Variants in RGS6 observed in about 807,000 individuals in gnomAD.
The protein encoded by RGS6 is regulator of G protein signaling 6.
In RGS6, 30 loss-of-function variants were observed where a neutral mutation model predicts 78.5. The ratio of observed to expected loss-of-function variants is 0.38; its 90% CI spans 0.29 to 0.52. The LOEUF is 0.52. RGS6 is among the 20% of genes least tolerant of loss of function. RGS6 has a pLI of 0.85. For missense variants in RGS6, 495 were observed against 609.7 expected, an observed-to-expected ratio of 0.81 and a Z score of 1.98; for synonymous variants, 206 against 206.0, an observed-to-expected ratio of 1.00 and a Z score of 0.00.
chr14:72,115,098 C>T (rs1183940757), intron 2 of RGS6, among the ~76,000 whole-genome samples: 3 of 152,136 alleles, frequency 2.0e-5, no homozygotes, highest in Non-Finnish European at 4.4e-5. Flanking sequence ...CCACTTGGAT[C>T]TCAGTTATGT....
chr14:71,980,432 C>G (rs1049524606), intron 2 of RGS6, among the ~76,000 whole-genome samples: 2 of 150,198 alleles, frequency 1.3e-5, no homozygotes, highest in African/African-American at 2.5e-5. Flanking sequence ...GCACTTCCTT[C>G]AGGAGCTCTT....
the RGS6 span, among the ~76,000 whole-genome samples, chr14:72,595,533 T>C: frequency 6.6e-6 from 1 of 152,210 alleles, no homozygotes; most frequent in Non-Finnish European, 1.5e-5. Flanking sequence ...CTGTAATCTA[T>C]GTTGGTGCTT....
chr14:71,990,917 A>G (rs775683623), intron 2 of RGS6: 1 of 449,852 alleles, frequency 2.2e-6, no homozygotes, highest in South Asian at 1.6e-5. Context: ...TCCTCCACAT[A>G]GTTGGCATCG....
chr14:72,430,460 C>T (rs1254020609), intron 3 of RGS6, among the ~76,000 whole-genome samples: 2 of 152,206 alleles, frequency 1.3e-5, no homozygotes, highest in Non-Finnish European at 1.5e-5. Flanking sequence ...CCAGAATTCT[C>T]TTCTGCAGAC....
chr14:72,586,802 T>G, the RGS6 span, among the ~76,000 whole-genome samples: 3 of 152,192 alleles, frequency 2.0e-5, no homozygotes, highest in African/African-American at 7.2e-5. Context: ...AGACAGTATC[T>G]TATTCTTTTT....
chr14:72,619,935 C>A, the RGS6 span: 1 of 1,535,134 alleles, frequency 6.5e-7, no homozygotes, highest in Non-Finnish European at 8.7e-7. Flanking sequence ...GGGATTTAAA[C>A]AGTACATGTG....
intron 2 of RGS6, among the ~76,000 whole-genome samples, chr14:71,967,592 C>A (rs966443525): frequency 1.1e-4 from 17 of 152,350 alleles, no homozygotes; most frequent in South Asian, 4.1e-4. Flanking sequence ...ATACCCACGA[C>A]TACAATTTAC....
At chr14:72,613,924 A>G in the RGS6 span, among the ~76,000 whole-genome samples, 7 of 152,096 alleles carry the variant, frequency 4.6e-5, no homozygotes, top group Non-Finnish European at 8.8e-5. Context: ...CTATCCTCCC[A>G]CATCCCGGGT....
intron 2 of RGS6, among the ~76,000 whole-genome samples, chr14:72,081,572 C>T (rs1411217880): frequency 2.6e-5 from 4 of 152,046 alleles, no homozygotes; most frequent in Non-Finnish European, 4.4e-5. Context: ...GCATTGCAGA[C>T]GAGAAGTCTG....
intron 2 of RGS6, among the ~76,000 whole-genome samples, chr14:72,195,345 T>C (rs1207103324): frequency 6.6e-6 from 1 of 152,162 alleles, no homozygotes; most frequent in Non-Finnish European, 1.5e-5. Context: ...ACCAAGTAGA[T>C]AGTTGGATAT....
chr14:72,541,776 C>T (rs893457301), intron 17 of RGS6, among the ~76,000 whole-genome samples: 2 of 152,184 alleles, frequency 1.3e-5, no homozygotes, highest in Admixed American at 6.5e-5. Context: ...GTGCAGGCCA[C>T]GGGTGTGAGA....
At chr14:72,333,564 C>T (rs1021708594) in intron 2 of RGS6, among the ~76,000 whole-genome samples, 3 of 152,222 alleles carry the variant, frequency 2.0e-5, no homozygotes, top group African/African-American at 4.8e-5. Context: ...TGGCACTTTC[C>T]GCTGTCAGAA....
chr14:71,983,775 A>G (rs1304655077), intron 2 of RGS6, among the ~76,000 whole-genome samples: 1 of 152,186 alleles, frequency 6.6e-6, no homozygotes, highest in Non-Finnish European at 1.5e-5. Flanking sequence ...CATCTCAAAG[A>G]CCCTAATTTC....
intron 2 of RGS6, among the ~76,000 whole-genome samples, chr14:72,002,119 T>G (rs551727536): frequency 9.9e-4 from 151 of 152,054 alleles, no homozygotes; most frequent in Non-Finnish European, 1.9e-3. Flanking sequence ...CCCAGGCTGG[T>G]CTCAAACAAT....
chr14:72,035,426 A>G (rs942529974), intron 2 of RGS6, among the ~76,000 whole-genome samples: 12 of 151,882 alleles, frequency 7.9e-5, no homozygotes, highest in Non-Finnish European at 7.4e-5. Flanking sequence ...AAAAAACTCA[A>G]TTTTTGTTGT....
intron 2 of RGS6, among the ~76,000 whole-genome samples, chr14:72,078,780 A>T (rs944295142): frequency 2.0e-5 from 3 of 152,042 alleles, no homozygotes; most frequent in Admixed American, 6.6e-5. Context: ...TACACTTAGG[A>T]TCCTCTTCAT....
chr14:72,223,193 A>G (rs138152189), intron 2 of RGS6, among the ~76,000 whole-genome samples: 41 of 152,308 alleles, frequency 2.7e-4, no homozygotes, highest in African/African-American at 9.9e-4. Context: ...AAAAAGAAAA[A>G]CTTTAAGATA....
intron 3 of RGS6, among the ~76,000 whole-genome samples, chr14:72,378,797 T>C (rs555096315): frequency 6.6e-6 from 1 of 152,218 alleles, no homozygotes; most frequent in Non-Finnish European, 1.5e-5. Context: ...CTTAAACTAT[T>C]CCAAAAATTT....
intron 2 of RGS6, among the ~76,000 whole-genome samples, chr14:72,007,596 T>C (rs2084816245): frequency 6.6e-6 from 1 of 152,172 alleles, no homozygotes; most frequent in Non-Finnish European, 1.5e-5. Flanking sequence ...GCTCATCAGC[T>C]ATTGTTAGTA....
Sources: allele counts gnomAD v4.1 joint callset (sites outside exome capture counted in the v4.1 genomes callset), GRCh38; gene constraint gnomAD v4.1.1; transcripts MANE v1.5; gene names NCBI Gene and HGNC (gene_info 2026-07-23, HGNC 2026-07-21).